YTHDC2: variants seen among roughly 807,000 people sequenced by gnomAD.
YTHDC2 encodes the protein YTH N6-methyladenosine RNA binding protein C2.
YTHDC2 carries 45 observed loss-of-function variants against 174.9 expected under a neutral mutation model. The observed-to-expected ratio is 0.26, with a 90% confidence interval of 0.20 to 0.33. YTHDC2 has a LOEUF of 0.33. YTHDC2 is among the 10% of genes least tolerant of loss of function. The pLI is 1.00. For missense variants in YTHDC2, 1,650 were observed against 1,723.7 expected (o/e 0.96, Z 0.76); for synonymous variants, 657 against 574.5 (o/e 1.14, Z -2.05).
rs894078032 is a variant in YTHDC2, at chr5:113,553,484, G to C, written c.1868-106G>C. The stretch of plus-strand genomic sequence containing the variant: ...AGTGAATAATCTCCTGTCATCTTAT[G>C]ATAGTTTACCAGTACTTGAAAACAT... On this transcript the variant is annotated intron_variant, in intron 13 of 29. Coordinates refer to ENST00000161863, the MANE Select transcript of YTHDC2 (RefSeq NM_022828.5). 7.0e-6 allele frequency: 10 copies of C among 1,436,054 alleles called. No homozygotes were observed. The African/African-American group carries it at 1.4e-4, about 21-fold the overall frequency. The allele number at this position is 1,436,054 out of a possible 1,614,324, so 89.0% of individuals were successfully genotyped here.
At position 113,567,231 on chromosome 5, in the gene YTHDC2, A is replaced by G. The variant is rs555201059; in HGVS notation, c.2982A>G (p.Thr994=). 4.3e-6 allele frequency: 7 copies of G among 1,613,536 alleles called. No individual in the cohort carries two copies. The Admixed American group carries it at 1.0e-4, about 23-fold the overall frequency. Residue 994 remains threonine (T), a synonymous_variant, in exon 22 of 30, where the codon ACA becomes ACG. Transcript: ENST00000161863. ...TGGACAGAGAGAATCTAGTGTTGAC[A>G]GGGCCAAAGGAGAAAAAAGTACGAT... is the stretch of plus-strand genomic sequence containing the variant. ...VHVDRENLVL[T]GPKEKKVRFH...
intron 23 of YTHDC2, among the ~76,000 whole-genome samples, chr5:113,571,118 G>T (rs1360433680): frequency 1.3e-5 from 2 of 152,174 alleles, no homozygotes; most frequent in African/African-American, 2.4e-5. Context: ...CTGTGGGTTT[G>T]TCATAAATAG....
chr5:113,580,449 A>G (rs1351258602), intron 24 of YTHDC2, among the ~76,000 whole-genome samples: 3 of 152,014 alleles, frequency 2.0e-5, no homozygotes, highest in Non-Finnish European at 4.4e-5. Context: ...TTTCTTTTCA[A>G]ATTACAAATT....
At chr5:113,579,357 T>C (rs998551079) in intron 23 of YTHDC2, among the ~76,000 whole-genome samples, 37 of 152,152 alleles carry the variant, frequency 2.4e-4, no homozygotes, top group African/African-American at 8.9e-4. Flanking sequence ...TTGTCTTTTT[T>C]ATTTTGTTGC....
chr5:113,556,522 AT>A (rs1561668659), intron 17 of YTHDC2, among the ~76,000 whole-genome samples: 1 of 152,236 alleles, frequency 6.6e-6, no homozygotes, highest in Non-Finnish European at 1.5e-5. Flanking sequence ...AAAATAAAAA[AT>A]ATGCATGTCC....
chr5:113,585,954 C>A (rs529877460), intron 26 of YTHDC2, among the ~76,000 whole-genome samples: 24 of 152,020 alleles, frequency 1.6e-4, no homozygotes, highest in African/African-American at 4.1e-4. Flanking sequence ...TAACATTGTA[C>A]TAACTGGTAC....
chr5:113,528,836 G>A (rs1226224382), intron 4 of YTHDC2, among the ~76,000 whole-genome samples: 1 of 152,112 alleles, frequency 6.6e-6, no homozygotes, highest in Non-Finnish European at 1.5e-5. Context: ...AAATTCTCCT[G>A]CCACCCTGTG....
chr5:113,584,575 A>G (rs1472914736), intron 26 of YTHDC2, 96 bp downstream of exon 26: 1 of 1,109,006 alleles, frequency 9.0e-7, no homozygotes, highest in Non-Finnish European at 1.3e-6. Context: ...GTACTTTTCT[A>G]ATTGTGGCCT....
intron 3 of YTHDC2, among the ~76,000 whole-genome samples, chr5:113,525,470 G>A (rs1018103396): frequency 6.6e-6 from 1 of 151,896 alleles, no homozygotes; most frequent in Non-Finnish European, 1.5e-5. Context: ...GGGCCTCCTA[G>A]CAACCTTTGC....
intron 16 of YTHDC2, 32 bp from the exon 17 acceptor site, chr5:113,556,020 A>G (rs1776581764): frequency 5.1e-6 from 7 of 1,364,086 alleles, no homozygotes; most frequent in Admixed American, 1.8e-5. Flanking sequence ...TACCTTTTAT[A>G]TTCTAACATA....
intron 2 of YTHDC2, among the ~76,000 whole-genome samples, chr5:113,517,856 T>C (rs1410719809): frequency 1.3e-5 from 2 of 152,182 alleles, no homozygotes. Context: ...GACTTATCCA[T>C]GAAATTTTCT....
At chr5:113,514,406 A>C (rs1452529689) in intron 1 of YTHDC2, 3 of 544,616 alleles carry the variant, frequency 5.5e-6, no homozygotes, top group Non-Finnish European at 1.0e-5. Context: ...AACCCTTTTT[A>C]AGGGGGTGTC....
intron 23 of YTHDC2, among the ~76,000 whole-genome samples, chr5:113,578,612 T>C (rs549064547): frequency 8.5e-5 from 13 of 152,238 alleles, no homozygotes; most frequent in Admixed American, 2.6e-4. Context: ...TTTATCTTCA[T>C]TGGGGAGGCT....
chr5:113,547,406 C>G (rs999676226), intron 10 of YTHDC2, among the ~76,000 whole-genome samples: 1 of 152,070 alleles, frequency 6.6e-6, no homozygotes, highest in Non-Finnish European at 1.5e-5. Flanking sequence ...AAACAAACCC[C>G]AAAGCAAAAT....
At chr5:113,544,443 C>G (rs951083604) in intron 10 of YTHDC2, among the ~76,000 whole-genome samples, 70 of 152,220 alleles carry the variant, frequency 4.6e-4, no homozygotes, top group African/African-American at 1.6e-3. Flanking sequence ...GTCACCACAC[C>G]CAGCCCAAAT....
At chr5:113,563,163 T>C (rs1194331050) in intron 18 of YTHDC2, among the ~76,000 whole-genome samples, 2 of 151,854 alleles carry the variant, frequency 1.3e-5, no homozygotes, top group African/African-American at 4.8e-5. Context: ...TTGGTATAAG[T>C]TGATTGAAGA....
intron 23 of YTHDC2, among the ~76,000 whole-genome samples, chr5:113,571,628 C>T (rs1298627200): frequency 1.3e-5 from 2 of 152,156 alleles, no homozygotes; most frequent in East Asian, 3.9e-4. Context: ...TTGGTAGGCT[C>T]TTTATTACTG....
chr5:113,593,255 T>G, intron 28 of YTHDC2, 48 bp from the exon 29 acceptor site: 1 of 1,488,730 alleles, frequency 6.7e-7, no homozygotes, highest in Non-Finnish European at 9.3e-7. Context: ...CATTAAAAAT[T>G]TTCACTCCAG....
At chr5:113,518,076 G>T (rs1190629847) in intron 2 of YTHDC2, among the ~76,000 whole-genome samples, 1 of 151,952 alleles carries the variant, frequency 6.6e-6, no homozygotes, top group Non-Finnish European at 1.5e-5. Flanking sequence ...TTTCAGTAGA[G>T]ATGGGGTTTC....
Sources: allele counts gnomAD v4.1 joint callset (sites outside exome capture counted in the v4.1 genomes callset), GRCh38; gene constraint gnomAD v4.1.1; transcripts MANE v1.5; gene names NCBI Gene and HGNC (gene_info 2026-07-23, HGNC 2026-07-21).